TBC1D22A: variants seen among roughly 807,000 people sequenced by gnomAD.
TBC1D22A encodes TBC1 domain family member 22A.
TBC1D22A carries 38 observed loss-of-function variants against 60.2 expected under a neutral mutation model. The observed-to-expected ratio is 0.63, with a 90% CI of 0.49 to 0.83. The LOEUF (loss-of-function observed/expected upper bound fraction) is 0.83, where lower values mean the gene tolerates loss of function less well. Among genes scored for constraint, TBC1D22A ranks in the 40% least tolerant of loss-of-function variants. TBC1D22A has a pLI of 0.00. For missense variants in TBC1D22A, 628 were observed against 701.0 expected, an observed-to-expected ratio of 0.90 and a Z score of 1.18; for synonymous variants, 302 against 281.7, an observed-to-expected ratio of 1.07 and a Z score of -0.72.
At chr22:46,894,659 C>A (rs759397853) in intron 6 of TBC1D22A, 125 bp from the exon 7 acceptor site, 75 of 1,119,436 alleles carry the variant, frequency 6.7e-5, no homozygotes, top group Middle Eastern at 6.3e-4. Flanking sequence ...GAACGAGAAT[C>A]CTCAAGGAGA....
chr22:46,966,496 A>C (rs541908140), intron 8 of TBC1D22A, among the ~76,000 whole-genome samples: 2 of 152,336 alleles, frequency 1.3e-5, no homozygotes, highest in Admixed American at 1.3e-4. Flanking sequence ...ATATTTGTTA[A>C]TAGAAGAAAT....
intron 8 of TBC1D22A, among the ~76,000 whole-genome samples, chr22:46,943,799 C>T (rs768774838): frequency 2.6e-5 from 4 of 152,234 alleles, no homozygotes; most frequent in Non-Finnish European, 5.9e-5. Flanking sequence ...ATGTTCACAG[C>T]ATCCTACGGC....
At chr22:47,064,517 C>T (rs1189429746) in intron 11 of TBC1D22A, among the ~76,000 whole-genome samples, 1 of 152,222 alleles carries the variant, frequency 6.6e-6, no homozygotes, top group East Asian at 1.9e-4. Flanking sequence ...TTTCAGAAAA[C>T]ATTATTCCTT....
intron 4 of TBC1D22A, among the ~76,000 whole-genome samples, chr22:46,798,305 C>T (rs539767252): frequency 4.5e-4 from 69 of 152,344 alleles, no homozygotes; most frequent in Middle Eastern, 3.4e-3. Flanking sequence ...GGGGGCACAG[C>T]GCTGGTGACC....
At chr22:47,125,511 C>A (rs181857850) in intron 12 of TBC1D22A, among the ~76,000 whole-genome samples, 1 of 152,226 alleles carries the variant, frequency 6.6e-6, no homozygotes, top group Admixed American at 6.5e-5. Context: ...AGGTTCAAAT[C>A]ATTTCTGGGG....
At chr22:47,001,299 CTTTTTTTTTTT>C (rs11331060) in intron 10 of TBC1D22A, among the ~76,000 whole-genome samples, 16 of 133,892 alleles carry the variant, frequency 1.2e-4, no homozygotes, top group Non-Finnish European at 2.2e-4. Flanking sequence ...TTCTTTCTTT[CTTTTTTTTTTT>C]TTTTTTTTAA....
At chr22:47,075,218 G>A (rs540084340) in intron 11 of TBC1D22A, among the ~76,000 whole-genome samples, 23 of 75,946 alleles carry the variant, frequency 3.0e-4, no homozygotes, top group Admixed American at 9.8e-4. Context: ...GCGAGATTCC[G>A]TCTCAAAAAA....
rs144544074 is a variant in TBC1D22A at position 47,059,734 on chromosome 22, A to G, written c.1329+22536A>G. Among the ~76,000 whole-genome samples the G allele has an allele frequency of 2.5e-3, 386 of 152,344 alleles. 3 individuals carry two copies. The highest frequency in any genetic ancestry group is 3.7e-3 in the Non-Finnish European group (253 of 68,030). The stretch of plus-strand genomic sequence containing the variant: ...GTGCCGTTTCTGCCTGAGCTCCAGC[A>G]GCATCCCTGCGCTTTCAGGTCTGAG... On this transcript the variant is annotated intron_variant, in intron 11 of 12. Coordinates refer to ENST00000337137, the MANE Select transcript of TBC1D22A (RefSeq NM_014346.5).
chr22:47,112,801 C>T (rs775439410), intron 12 of TBC1D22A, among the ~76,000 whole-genome samples: 14 of 152,344 alleles, frequency 9.2e-5, no homozygotes, highest in Non-Finnish European at 2.1e-4. Context: ...CTCAGACACA[C>T]GCCTGCCTTG....
intron 4 of TBC1D22A, among the ~76,000 whole-genome samples, chr22:46,821,474 T>C (rs1410745254): frequency 6.6e-6 from 1 of 152,176 alleles, no homozygotes; most frequent in Admixed American, 6.5e-5. Flanking sequence ...CATTTGCTTG[T>C]GTGGAAAGGA....
intron 12 of TBC1D22A, among the ~76,000 whole-genome samples, chr22:47,150,378 T>C (rs543236950): frequency 6.6e-6 from 1 of 152,234 alleles, no homozygotes; most frequent in East Asian, 1.9e-4. Flanking sequence ...CCCGAGTTCA[T>C]CTTTTGGACA....
intron 12 of TBC1D22A, among the ~76,000 whole-genome samples, chr22:47,164,874 G>T (rs762635115): frequency 6.6e-6 from 1 of 152,194 alleles, no homozygotes; most frequent in Admixed American, 6.5e-5. Flanking sequence ...CAGCCCCTGC[G>T]CAGGAGGAAT....
At chr22:47,137,482 C>T (rs994126452) in intron 12 of TBC1D22A, among the ~76,000 whole-genome samples, 1 of 152,210 alleles carries the variant, frequency 6.6e-6, no homozygotes, top group Admixed American at 6.5e-5. Flanking sequence ...CCCTGCACCC[C>T]TGCTTTCCTT....
chr22:47,032,228 C>A (rs889623565), intron 10 of TBC1D22A, among the ~76,000 whole-genome samples: 1 of 152,182 alleles, frequency 6.6e-6, no homozygotes, highest in African/African-American at 2.4e-5. Flanking sequence ...TCCATGGCAG[C>A]GGCTGCCCTG....
chr22:47,166,051 G>A (rs923149122), intron 12 of TBC1D22A, among the ~76,000 whole-genome samples: 11 of 152,356 alleles, frequency 7.2e-5, no homozygotes, highest in Admixed American at 7.2e-4. Context: ...ATCTTTGCAT[G>A]TTGGCAATTT....
intron 4 of TBC1D22A, among the ~76,000 whole-genome samples, chr22:46,863,694 C>T (rs2066917462): frequency 6.6e-6 from 1 of 152,182 alleles, no homozygotes; most frequent in Non-Finnish European, 1.5e-5. Context: ...TATGATTTTA[C>T]ACAAAACAAA....
intron 4 of TBC1D22A, among the ~76,000 whole-genome samples, chr22:46,827,519 G>A (rs2086123117): frequency 6.6e-6 from 1 of 152,176 alleles, no homozygotes; most frequent in Admixed American, 6.5e-5. Flanking sequence ...TTGAACATGC[G>A]TGTACCAAAT....
At chr22:46,989,786 C>A (rs1007052786) in intron 9 of TBC1D22A, among the ~76,000 whole-genome samples, 5 of 151,128 alleles carry the variant, frequency 3.3e-5, no homozygotes, top group African/African-American at 9.7e-5. Flanking sequence ...CACACACACA[C>A]AATAAATAAA....
chr22:47,059,422 A>G (rs1399068328), intron 11 of TBC1D22A, among the ~76,000 whole-genome samples: 1 of 152,228 alleles, frequency 6.6e-6, no homozygotes, highest in Non-Finnish European at 1.5e-5. Flanking sequence ...CAGAAGCCAT[A>G]GCTTTGCGCC....
Sources: gnomAD v4.1 joint callset for allele counts (sites outside exome capture counted in the v4.1 genomes callset) on GRCh38, gnomAD v4.1.1 for gene constraint, MANE v1.5 for transcripts, NCBI Gene and HGNC (gene_info 2026-07-23, HGNC 2026-07-21) for gene names.